PDGFC: variants seen among roughly 807,000 people sequenced by gnomAD.
PDGFC encodes platelet derived growth factor C.
A neutral mutation model predicts 35.5 loss-of-function variants in PDGFC; 12 were observed. That is an observed-to-expected ratio of 0.34 (90% CI 0.22 to 0.55). PDGFC has a LOEUF of 0.55. Among genes scored for constraint, PDGFC ranks in the 20% least tolerant of loss-of-function variants. The pLI is 0.91. For missense variants in PDGFC, 322 were observed against 412.4 expected, an observed-to-expected ratio of 0.78 and a Z score of 1.90; for synonymous variants, 159 against 148.8, an observed-to-expected ratio of 1.07 and a Z score of -0.50.
intron 1 of PDGFC, among the ~76,000 whole-genome samples, chr4:156,863,496 A>G (rs981027159): frequency 6.6e-6 from 1 of 152,170 alleles, no homozygotes; most frequent in African/African-American, 2.4e-5. Context: ...ACAGTACTTT[A>G]TCTTAAAATA....
At chr4:156,879,689 A>T (rs797014147) in intron 1 of PDGFC, among the ~76,000 whole-genome samples, 14 of 152,294 alleles carry the variant, frequency 9.2e-5, no homozygotes, top group African/African-American at 2.6e-4. Context: ...GAAAGTGCAG[A>T]TTTTTACTGT....
At chr4:156,911,760 A>C (rs1007283919) in intron 1 of PDGFC, among the ~76,000 whole-genome samples, 1 of 152,194 alleles carries the variant, frequency 6.6e-6, no homozygotes, top group Non-Finnish European at 1.5e-5. Flanking sequence ...CAACAAAGCT[A>C]ATTAATCTGA....
At chr4:156,915,568 T>C (rs1379392209) in intron 1 of PDGFC, among the ~76,000 whole-genome samples, 2 of 152,156 alleles carry the variant, frequency 1.3e-5, no homozygotes, top group Admixed American at 1.3e-4. Flanking sequence ...CAAAACAGGC[T>C]GATCACCTGA....
intron 1 of PDGFC, among the ~76,000 whole-genome samples, chr4:156,890,153 T>C (rs193177): frequency 0.22 from 33,768 of 151,574 alleles, 4,467 homozygotes; most frequent in South Asian, 0.54. Context: ...CTGTATCATA[T>C]GGGAAGGGGG....
At chr4:156,765,339 C>G (rs191746871) in intron 5 of PDGFC, among the ~76,000 whole-genome samples, 1 of 152,108 alleles carries the variant, frequency 6.6e-6, no homozygotes, top group Admixed American at 6.5e-5. Context: ...AAAATTTAGA[C>G]GGAGAGGTTG....
At chr4:156,875,982 G>A (rs1232299906) in intron 1 of PDGFC, among the ~76,000 whole-genome samples, 2 of 152,122 alleles carry the variant, frequency 1.3e-5, no homozygotes, top group Admixed American at 1.3e-4. Context: ...CTCTGAGATG[G>A]AAGAGAAGTT....
chr4:156,795,628 C>T (rs1183868665), intron 3 of PDGFC, among the ~76,000 whole-genome samples: 1 of 152,184 alleles, frequency 6.6e-6, no homozygotes, highest in African/African-American at 2.4e-5. Flanking sequence ...TGTTCATGAG[C>T]AGACTTCCAA....
chr4:156,921,071 CT>C (rs936927597), intron 1 of PDGFC, among the ~76,000 whole-genome samples: 2 of 152,100 alleles, frequency 1.3e-5, no homozygotes, highest in Non-Finnish European at 1.5e-5. Flanking sequence ...ATAAGACAGT[CT>C]CTATAAAGGA....
At chr4:156,794,390 G>A (rs1167232656) in intron 3 of PDGFC, among the ~76,000 whole-genome samples, 4 of 152,072 alleles carry the variant, frequency 2.6e-5, no homozygotes, top group African/African-American at 9.7e-5. Context: ...AGAAGCATTA[G>A]AGTAGGGAAA....
chr4:156,943,332 ACTT>A (rs1405344075), intron 1 of PDGFC, among the ~76,000 whole-genome samples: 1 of 152,008 alleles, frequency 6.6e-6, no homozygotes, highest in Non-Finnish European at 1.5e-5. Flanking sequence ...TTCCCATGGT[ACTT>A]CTTCATAAAT....
At position 156,824,325 on chromosome 4, in the gene PDGFC, T is replaced by TATACACACATATACAC. The variant is rs1560827537; in HGVS notation, c.315-13309_315-13308insGTGTATATGTGTGTAT. Among the ~76,000 whole-genome samples the TATACACACATATACAC allele has an allele frequency of 3.8e-4, 42 of 109,582 alleles. 1 individual carries two copies. The highest frequency in any genetic ancestry group is 1.8e-3 in the African/African-American group (38 of 20,744). 71.9% of individuals were successfully genotyped at this position (109,582 alleles called of 152,430 possible). A position where few individuals can be genotyped will look rare whatever the true frequency, so the allele number is the denominator to read the frequency against. Reference sequence around the variant, plus strand: ...ATATATATATATATATATATATATATATACACACACACACACACACACACA... The same window carrying TATACACACATATACAC: ...ATATATATATATATATATATATATATATACACACATATACACATACACACACACACACACACACACA... On this transcript the variant is annotated intron_variant, in intron 2 of 5. Coordinates refer to ENST00000502773, the MANE Select transcript of PDGFC (RefSeq NM_016205.3).
chr4:156,843,484 T>C (rs980521777), intron 2 of PDGFC, among the ~76,000 whole-genome samples: 6 of 152,196 alleles, frequency 3.9e-5, no homozygotes, highest in African/African-American at 1.2e-4. Context: ...TTTAAGCTAA[T>C]CTGCTTCCCC....
rs1378713256 is a variant in PDGFC, at chr4:156,971,676, C to A, written c.-773G>T. Among the ~76,000 whole-genome samples the A allele has an allele frequency of 4.6e-5, 7 of 151,888 alleles. No individual in the cohort carries two copies. The highest frequency in any genetic ancestry group is 1.0e-4 in the Non-Finnish European group (7 of 67,954). ...TTGTTCGGGCTCGTCCCCCGCTCCT[C>A]AAAGCCTGGGGCAATTCGGCCGCTC... is the stretch of plus-strand genomic sequence containing the variant. On this transcript the variant is annotated 5_prime_UTR_variant, in exon 1 of 6. Coordinates refer to ENST00000502773, the MANE Select transcript of PDGFC (RefSeq NM_016205.3).
intron 2 of PDGFC, among the ~76,000 whole-genome samples, chr4:156,837,412 T>C (rs1729089090): frequency 6.6e-6 from 1 of 152,062 alleles, no homozygotes; most frequent in Non-Finnish European, 1.5e-5. Context: ...TTGTGTTCTA[T>C]TGCCATTGCT....
intron 1 of PDGFC, among the ~76,000 whole-genome samples, chr4:156,938,822 CATT>C (rs1731742075): frequency 6.6e-6 from 1 of 151,240 alleles, no homozygotes. Flanking sequence ...AGCACAACAA[CATT>C]ATAAATAATA....
intron 2 of PDGFC, among the ~76,000 whole-genome samples, chr4:156,825,584 TAATAATAATAAGAAGAAG>T (rs1479578348): frequency 1.7e-3 from 150 of 90,190 alleles, no homozygotes; most frequent in African/African-American, 6.5e-3. Flanking sequence ...ATAATAATAA[TAATAATAATAAGAAGAAG>T]AAGAAGAAGA....
intron 3 of PDGFC, among the ~76,000 whole-genome samples, chr4:156,794,828 T>C (rs1731396876): frequency 6.6e-6 from 1 of 152,194 alleles, no homozygotes; most frequent in African/African-American, 2.4e-5. Flanking sequence ...TATTACTAGC[T>C]ACTTGGATAT....
chr4:156,921,117 T>C (rs1208630470), intron 1 of PDGFC, among the ~76,000 whole-genome samples: 1 of 152,228 alleles, frequency 6.6e-6, no homozygotes, highest in African/African-American at 2.4e-5. Context: ...TAAGCAATTT[T>C]AAGTTGTTTT....
chr4:156,960,985 T>TTC (rs2110970632), intron 1 of PDGFC, among the ~76,000 whole-genome samples: 2 of 152,188 alleles, frequency 1.3e-5, no homozygotes, highest in African/African-American at 2.4e-5. Context: ...CACTGCAGGT[T>TTC]TCCCCCTTTT....
Sources: allele counts gnomAD v4.1 joint callset (sites outside exome capture counted in the v4.1 genomes callset), GRCh38; gene constraint gnomAD v4.1.1; transcripts MANE v1.5; gene names NCBI Gene and HGNC (gene_info 2026-07-23, HGNC 2026-07-21).